Variants in SLU7 observed in about 807,000 individuals in gnomAD.
SLU7 encodes the protein spliceosome associated SLU7, also known as pre-mRNA-splicing factor SLU7.
SLU7 carries 60 observed loss-of-function variants against 87.0 expected under a neutral mutation model. The observed-to-expected ratio is 0.69, with a 90% CI of 0.56 to 0.86. The LOEUF is 0.86. Ranked by LOEUF, SLU7 falls within the 40% of genes least tolerant of loss-of-function variation. SLU7 has a pLI of 0.00. For synonymous variants in SLU7, 197 were observed against 222.0 expected (o/e 0.89, Z 1.00); for missense variants, 507 against 686.6 (o/e 0.74, Z 2.92).
intron 15 of SLU7, among the ~76,000 whole-genome samples, chr5:160,404,233 C>CA (rs1427222283): frequency 6.6e-6 from 1 of 152,148 alleles, no homozygotes; most frequent in Non-Finnish European, 1.5e-5. Flanking sequence ...CACATGGGGG[C>CA]ATGTGCCTGT....
rs1200550192 is a variant in SLU7 at position 160,407,947 on chromosome 5, C to T, written c.917+24G>A. 6.5e-7 allele frequency: 1 copy of T among 1,545,236 alleles called. No individual in the cohort carries two copies. The highest frequency in any genetic ancestry group is 2.2e-5 in the East Asian group (1 of 44,474). ...AATTAACTTTCTCTCATCTTAAAAT[C>T]TGTACATTTAACTTGATACTTACTC... On this transcript the variant is annotated intron_variant, in intron 9 of 15. Transcript: ENST00000297151. This position sits in a 1 kb window ranked among gnomAD's most constrained non-coding sequence, Gnocchi z 4.2.
Position 160,402,970 on chromosome 5 carries a change from G to A in SLU7, c.*315C>T, listed in dbSNP as rs372521690. 4.7e-4 allele frequency: 74 copies of A among 158,056 alleles called. No individual in the cohort carries two copies. Among genetic ancestry groups the A allele is most frequent in the East Asian group, 2.0e-3 (11 of 5,578 alleles). 9.8% of individuals were successfully genotyped at this position (158,056 alleles called of 1,614,324 possible). A position where few individuals can be genotyped will look rare whatever the true frequency, so the allele number is the denominator to read the frequency against. ...GTGGAGCTTGCAGTGAGCCGAGATC[G>A]CGCCACCGCACTTCAGCCTGGGCGA... On this transcript the variant is annotated 3_prime_UTR_variant, in exon 16 of 16. Coordinates refer to ENST00000297151, the MANE Select transcript of SLU7 (RefSeq NM_006425.5).
chr5:160,414,451 A>G lies in SLU7; in HGVS notation c.192T>C (p.Pro64=). Residue 64 remains proline, a synonymous_variant, in exon 3 of 16, where the codon CCT becomes CCC. Transcript: ENST00000297151. ...ACCATGGCACTGAAGAAATATACTG[A>G]GGAATATGGGGGTTGATGTCTCTGT... ...EEGKDINPHI[P]QYISSVPWYI... 1 of 1,584,200 alleles carries G rather than the reference A, an allele frequency of 6.3e-7. No individual in the cohort carries two copies.
At chr5:160,415,454 C>T (rs766584768) in intron 1 of SLU7, 144 bp from the exon 2 acceptor site, 45 of 506,632 alleles carry the variant, frequency 8.9e-5, no homozygotes, top group Middle Eastern at 4.8e-4. Context: ...TCTTCCCCCT[C>T]CTCAAGGTCT....
chr5:160,408,227 A>T, intron 8 of SLU7, 102 bp downstream of exon 8: 1 of 1,319,252 alleles, frequency 7.6e-7, no homozygotes, highest in Non-Finnish European at 1.1e-6. Flanking sequence ...TTATCTTAGA[A>T]TGACTCTGAC....
chr5:160,417,607 G>C (rs1765508355), intron 1 of SLU7, among the ~76,000 whole-genome samples: 1 of 152,080 alleles, frequency 6.6e-6, no homozygotes, highest in African/African-American at 2.4e-5. Context: ...GGCCAACCTG[G>C]CGAAACCCCG....
intron 7 of SLU7, 59 bp downstream of exon 7, chr5:160,408,591 A>G (rs573720812): frequency 7.2e-7 from 1 of 1,387,996 alleles, no homozygotes; most frequent in South Asian, 1.2e-5. Context: ...GTTATTTATT[A>G]TTAGCCATCA....
At chr5:160,417,305 A>G (rs1765496497) in intron 1 of SLU7, 1 of 152,256 alleles carries the variant, frequency 6.6e-6, no homozygotes, top group Admixed American at 6.5e-5. Flanking sequence ...ACATTAAAAA[A>G]GTAAAAATAA....
At chr5:160,413,659 T>C in intron 4 of SLU7, 39 bp from the exon 5 acceptor site, 1 of 1,566,878 alleles carries the variant, frequency 6.4e-7, no homozygotes, top group Non-Finnish European at 8.7e-7. Flanking sequence ...CCTAAGTTTT[T>C]ATGGCCCAAA....
At chr5:160,416,902 C>G (rs928229170) in intron 1 of SLU7, among the ~76,000 whole-genome samples, 1 of 152,114 alleles carries the variant, frequency 6.6e-6, no homozygotes, top group Admixed American at 6.5e-5. Context: ...TGGGAGAGAC[C>G]GGGTGAGAGA....
Position 160,407,522 on chromosome 5 carries a change from T to C in SLU7, c.1079A>G (p.Lys360Arg). The C allele has an allele frequency of 6.2e-7, 1 of 1,612,996 alleles. No homozygotes were observed. The highest frequency in any genetic ancestry group is 8.5e-7 in the Non-Finnish European group (1 of 1,179,650). The stretch of plus-strand genomic sequence containing the variant: ...CTGCTGTTCTTTGAAATCTTCTTTT[T>C]TGACTTTGAAGGACTTATACAACAG... Reference protein sequence around the residue: ...LELLYKSFKVKKEDFKEQQKE... With the variant: ...LELLYKSFKVRKEDFKEQQKE... The change falls in exon 11 of 16, where the codon AAA (lysine) becomes AGA (arginine). Residue 360 changes from lysine to arginine, a missense_variant. Around this residue, in one of 6 missense-constraint regions of SLU7, gnomAD observed 43 missense variants for 58.4 expected, o/e 0.74. Coordinates refer to ENST00000297151, the MANE Select transcript of SLU7 (RefSeq NM_006425.5). This position sits in a 1 kb window ranked among gnomAD's most constrained non-coding sequence, Gnocchi z 4.2.
intron 11 of SLU7, 129 bp from the exon 12 acceptor site, chr5:160,406,758 G>T: frequency 1.3e-6 from 1 of 778,614 alleles, no homozygotes; most frequent in Non-Finnish European, 1.9e-6. Flanking sequence ...AGAAAGCACA[G>T]TAGGAAAAAA....
chr5:160,407,695 A>T lies in SLU7; in HGVS notation c.985+51T>A. On this transcript the variant is annotated intron_variant, in intron 10 of 15. Coordinates refer to ENST00000297151, the MANE Select transcript of SLU7 (RefSeq NM_006425.5). The surrounding 1 kb of genome is among the most constrained non-coding windows in gnomAD (Gnocchi z 4.2). ...TTGAAAACAAGCTTTAAACAATCCCAAACGTCTTATGAGCTGATATAAAAT... is the reference window on the plus strand; with the variant it reads ...TTGAAAACAAGCTTTAAACAATCCCTAACGTCTTATGAGCTGATATAAAAT... 6.2e-7 allele frequency: 1 copy of T among 1,602,494 alleles called. No homozygotes were observed. Among genetic ancestry groups the T allele is most frequent in the Non-Finnish European group, 8.5e-7 (1 of 1,174,632 alleles).
In SLU7 at chr5:160,413,965, A is replaced by C; in HGVS notation, c.339T>G (p.Thr113=). The C allele has an allele frequency of 6.3e-7, 1 of 1,578,894 alleles. No homozygotes were observed. The highest frequency in any genetic ancestry group is 1.2e-5 in the South Asian group (1 of 83,948). ...TTTCACATGCTCCTTTGCGGTACTT[A>C]GTAATTATGGAATTCTATAAATATA... The part of the protein sequence containing the change: ...KRGVKENSII[T]KYRKGACENC... The change falls in exon 4 of 16, where the codon ACT becomes ACG. Residue 113 remains threonine, a synonymous_variant. Transcript: ENST00000297151.
chr5:160,410,684 C>T (rs1005468738), intron 6 of SLU7, among the ~76,000 whole-genome samples: 3 of 152,094 alleles, frequency 2.0e-5, no homozygotes, highest in African/African-American at 7.2e-5. Context: ...ACAGAGAATA[C>T]ATTAGAACAA....
chr5:160,405,823 T>C (rs888250390), intron 12 of SLU7, among the ~76,000 whole-genome samples: 1 of 152,158 alleles, frequency 6.6e-6, no homozygotes, highest in Non-Finnish European at 1.5e-5. Context: ...TACAAACTAA[T>C]TGGCCTAATC....
At chr5:160,415,473 T>C (rs759840249) in intron 1 of SLU7, among the ~76,000 whole-genome samples, 163 bp from the exon 2 acceptor site, 23 of 152,218 alleles carry the variant, frequency 1.5e-4, no homozygotes, top group Non-Finnish European at 2.9e-4. Context: ...CTCTACATAC[T>C]GTTAGCACTG....
At chr5:160,405,188 C>T (rs1764958955) in intron 12 of SLU7, 53 bp from the exon 13 acceptor site, 1 of 1,212,950 alleles carries the variant, frequency 8.2e-7, no homozygotes, top group Non-Finnish European at 1.2e-6. Flanking sequence ...TTAGAAACTT[C>T]TGTATACTGT....
At chr5:160,418,184 A>G (rs952941309) in intron 1 of SLU7, among the ~76,000 whole-genome samples, 1 of 152,216 alleles carries the variant, frequency 6.6e-6, no homozygotes. Context: ...ACAACGGTAA[A>G]TTTAATCTTT....
Sources: allele counts gnomAD v4.1 joint callset (sites outside exome capture counted in the v4.1 genomes callset), GRCh38; gene constraint gnomAD v4.1.1; regional missense constraint gnomAD v4.1.1; non-coding constraint Gnocchi (gnomAD v3.1); transcripts MANE v1.5; gene names NCBI Gene and HGNC (gene_info 2026-07-23, HGNC 2026-07-21).